The following RGPD2 variants were observed in gnomAD, a reference collection of about 807,000 sequenced individuals.
The protein encoded by RGPD2 is RANBP2-like and GRIP domain-containing protein 2.
RGPD2 carries 2 observed loss-of-function variants against 36.0 expected under a neutral mutation model. That is an observed-to-expected ratio of 0.06 (90% CI 0.02 to 0.17). RGPD2 has a LOEUF of 0.17. Among genes scored for constraint, RGPD2 ranks in the 10% least tolerant of loss-of-function variants. The pLI, the probability that RGPD2 is intolerant of heterozygous loss-of-function variation, is 1.00. For synonymous variants in RGPD2, 19 were observed against 163.8 expected, an observed-to-expected ratio of 0.12 and a Z score of 6.75; for missense variants, 40 against 464.3, an observed-to-expected ratio of 0.09 and a Z score of 8.40.
At chr2:87,769,361 T>G (rs1267062856) in intron 22 of RGPD2, among the ~76,000 whole-genome samples, 11 of 152,144 alleles carry the variant, frequency 7.2e-5, no homozygotes, top group Admixed American at 6.5e-4. Context: ...TTTTATGTAC[T>G]CACATTGATA....
the RGPD2 span, among the ~76,000 whole-genome samples, chr2:87,887,030 G>A: frequency 4.0e-5 from 6 of 150,344 alleles, no homozygotes; most frequent in Admixed American, 6.6e-5. Context: ...ATAAAATTCA[G>A]GTTTTAAAAT....
the RGPD2 span, among the ~76,000 whole-genome samples, chr2:87,847,055 G>A: frequency 6.6e-6 from 1 of 151,766 alleles, no homozygotes; most frequent in Non-Finnish European, 1.5e-5. Flanking sequence ...AGTTTCTTAG[G>A]AACTTGTTTT....
intron 1 of RGPD2, chr2:87,825,009 T>A (rs1686639756): frequency 2.6e-6 from 1 of 391,606 alleles, no homozygotes; most frequent in African/African-American, 2.1e-5. Flanking sequence ...CTATTCCTCA[T>A]CACTCAGCTA....
chr2:87,988,541 ATTTT>A, the RGPD2 span, among the ~76,000 whole-genome samples: 14 of 54,146 alleles, frequency 2.6e-4, 1 homozygote, highest in East Asian at 6.1e-3. Flanking sequence ...ATATATATAT[ATTTT>A]TTTTTTTTCT....
the RGPD2 span, among the ~76,000 whole-genome samples, chr2:87,864,622 ATACATAGATGATAGATAGT>A: frequency 3.4e-4 from 5 of 14,838 alleles, no homozygotes; most frequent in Non-Finnish European, 8.2e-4. Flanking sequence ...AGATAGATAG[ATACATAGATGATAGATAGT>A]AAGTAGATAG....
chr2:87,974,719 C>T, the RGPD2 span, among the ~76,000 whole-genome samples: 16 of 152,298 alleles, frequency 1.1e-4, no homozygotes, highest in African/African-American at 2.6e-4. Flanking sequence ...GATTTCTAGA[C>T]GTTTACAATA....
chr2:87,973,241 G>A, the RGPD2 span, among the ~76,000 whole-genome samples: 3 of 150,396 alleles, frequency 2.0e-5, no homozygotes, highest in Non-Finnish European at 4.4e-5. Context: ...GGTGAGCCTG[G>A]GGCAGGGGTG....
At chr2:87,824,800 CGCCGCCGCCGCCCGGCCAGGCCGAG>C (rs1686598471) in intron 1 of RGPD2, 33 of 121,064 alleles carry the variant, frequency 2.7e-4, no homozygotes, top group African/African-American at 8.3e-4. Flanking sequence ...CCGAGGCCGC[CGCCGCCGCCGCCCGGCCAGGCCGAG>C]GCCGCCGCCG....
At chr2:87,927,169 A>T in the RGPD2 span, among the ~76,000 whole-genome samples, 7 of 130,196 alleles carry the variant, frequency 5.4e-5, no homozygotes, top group African/African-American at 2.0e-4. Flanking sequence ...AATGATAAGA[A>T]ATTCATAAGT....
chr2:87,809,623 G>T (rs1426341950), intron 6 of RGPD2, among the ~76,000 whole-genome samples: 4 of 140,752 alleles, frequency 2.8e-5, no homozygotes, highest in Non-Finnish European at 6.3e-5. Context: ...GTAACAAAGG[G>T]CCCATGAGTC....
the RGPD2 span, among the ~76,000 whole-genome samples, chr2:87,855,008 G>T: frequency 6.6e-6 from 1 of 152,112 alleles, no homozygotes; most frequent in Non-Finnish European, 1.5e-5. Flanking sequence ...GTGTGTGTGT[G>T]TGTGCGTGTG....
chr2:87,798,754 GC>G (rs1685786806), intron 8 of RGPD2, among the ~76,000 whole-genome samples: 1 of 130,630 alleles, frequency 7.7e-6, no homozygotes, highest in Non-Finnish European at 1.7e-5. Flanking sequence ...TGTAGTCCCA[GC>G]TACTGGGGAG....
At chr2:87,868,852 C>T in the RGPD2 span, among the ~76,000 whole-genome samples, 11 of 152,260 alleles carry the variant, frequency 7.2e-5, no homozygotes, top group Non-Finnish European at 1.2e-4. Flanking sequence ...AAATGACCCT[C>T]TTTAAATTTT....
the RGPD2 span, among the ~76,000 whole-genome samples, chr2:87,887,279 A>T: frequency 2.6e-5 from 4 of 151,708 alleles, no homozygotes; most frequent in African/African-American, 9.7e-5. Context: ...TATCTTATTG[A>T]TCGAAACCGC....
At chr2:87,989,522 A>G in the RGPD2 span, among the ~76,000 whole-genome samples, 1 of 152,184 alleles carries the variant, frequency 6.6e-6, no homozygotes, top group African/African-American at 2.4e-5. Flanking sequence ...GAAACTGTAG[A>G]AAACAAGCAG....
At chr2:87,825,903 C>T, upstream of RGPD2, 1 of 819,150 alleles carries the variant, frequency 1.2e-6, no homozygotes, top group Non-Finnish European at 1.8e-6. Flanking sequence ...GGCGCTCGAG[C>T]TGCACTCGGC....
At chr2:87,980,101 G>A in the RGPD2 span, among the ~76,000 whole-genome samples, 1 of 152,042 alleles carries the variant, frequency 6.6e-6, no homozygotes, top group African/African-American at 2.4e-5. Flanking sequence ...TGTAATCCCA[G>A]CACTTTGGGA....
chr2:87,961,206 T>C, the RGPD2 span, among the ~76,000 whole-genome samples: 1 of 152,230 alleles, frequency 6.6e-6, no homozygotes, highest in East Asian at 1.9e-4. Flanking sequence ...CTGAGCCCTA[T>C]AGCCATGCCA....
the RGPD2 span, among the ~76,000 whole-genome samples, chr2:87,984,522 G>C: frequency 1.3e-5 from 2 of 150,048 alleles, no homozygotes; most frequent in Admixed American, 1.3e-4. Context: ...TTTTTATATA[G>C]AAGGTAACAT....
Sources: allele counts gnomAD v4.1 joint callset (sites outside exome capture counted in the v4.1 genomes callset), GRCh38; gene constraint gnomAD v4.1.1; transcripts MANE v1.5; gene names NCBI Gene and HGNC (gene_info 2026-07-23, HGNC 2026-07-21).